The following A2M variants were observed in gnomAD, a reference collection of about 807,000 sequenced individuals.
A2M encodes alpha-2-macroglobulin.
A2M carries 128 observed loss-of-function variants against 183.9 expected under a neutral mutation model. The ratio of observed to expected loss-of-function variants is 0.70; its 90% confidence interval spans 0.60 to 0.81. The LOEUF (loss-of-function observed/expected upper bound fraction) is 0.81, where lower values mean the gene tolerates loss of function less well. Ranked by LOEUF, A2M falls within the 30% of genes least tolerant of loss-of-function variation. The pLI, the probability that A2M is intolerant of heterozygous loss-of-function variation, is 0.00. For missense variants in A2M, 1,495 were observed against 1,787.6 expected, an observed-to-expected ratio of 0.84 and a Z score of 2.95; for synonymous variants, 592 against 670.8, an observed-to-expected ratio of 0.88 and a Z score of 1.81.
In A2M at chr12:9,095,664, AGCCAGT is replaced by A. The variant is rs1391673728; in HGVS notation, c.1882_1887del (p.Thr628_Gly629del). The A allele has an allele frequency of 6.2e-7, 1 of 1,612,078 alleles. No individual in the cohort carries two copies. The highest frequency in any genetic ancestry group is 2.2e-5 in the East Asian group (1 of 44,820). On this transcript the variant is annotated inframe_deletion, in exon 16 of 36. Transcript: ENST00000318602. Reference sequence around the variant, plus strand: ...TCCTGGTCATTCAAAGGCCCAGGGAAGCCAGTGAGGTCCTTTTCTGGTAGCAGGTTG... The same window carrying A: ...TCCTGGTCATTCAAAGGCCCAGGGAAGAGGTCCTTTTCTGGTAGCAGGTTG...
rs150034531 is a variant in A2M, at chr12:9,111,201, T to C, written c.484-867A>G. Among the ~76,000 whole-genome samples the C allele has an allele frequency of 1.0e-3, 157 of 152,346 alleles. 1 individual carries two copies. The highest frequency in any genetic ancestry group is 3.7e-3 in the African/African-American group (152 of 41,592). ...CTAATCTTTATTAAGTACCTTCTCA[T>C]GCGCTGTGTATCATTCTAGGTATTG... On this transcript the variant is annotated intron_variant, in intron 4 of 35. Coordinates refer to ENST00000318602, the MANE Select transcript of A2M (RefSeq NM_000014.6).
At chr12:9,113,022 C>T in intron 2 of A2M, among the ~76,000 whole-genome samples, 1 of 151,900 alleles carries the variant, frequency 6.6e-6, no homozygotes, top group East Asian at 1.9e-4. Context: ...CCTGTCAGTC[C>T]ACCACGGGTG....
intron 22 of A2M, among the ~76,000 whole-genome samples, chr12:9,087,753 ATACAATTATAAATGGTCAGTT>A (rs1949090910): frequency 6.6e-6 from 1 of 152,150 alleles, no homozygotes; most frequent in Admixed American, 6.5e-5. Flanking sequence ...CTGTATATAT[ATACAATTATAAATGGTCAGTT>A]TACAATGTAA....
intron 1 of A2M, 110 bp downstream of exon 1, chr12:9,115,654 G>T: frequency 1.3e-6 from 1 of 788,310 alleles, no homozygotes. Flanking sequence ...GAATCTTAGA[G>T]ATAAGAAGAT....
intron 31 of A2M, 140 bp from the exon 32 acceptor site, chr12:9,070,718 AG>A: frequency 1.6e-6 from 1 of 621,716 alleles, no homozygotes; most frequent in Non-Finnish European, 2.8e-6. Flanking sequence ...GGTTTGTAAA[AG>A]TGGTGTGCGT....
intron 22 of A2M, among the ~76,000 whole-genome samples, chr12:9,086,904 A>C (rs1949067713): frequency 6.6e-6 from 1 of 152,228 alleles, no homozygotes. Context: ...ACTTCACCAA[A>C]GGGCTGCAAG....
intron 11 of A2M, 104 bp downstream of exon 11, chr12:9,104,135 T>A (rs1484700227): frequency 7.7e-6 from 9 of 1,167,486 alleles, no homozygotes; most frequent in Non-Finnish European, 9.5e-6. Context: ...CTAGTTTTTT[T>A]CTCTCCATAG....
In A2M at chr12:9,106,353, AAG is replaced by A. The variant is rs1488304710; in HGVS notation, c.995-10_995-9del. ...TTCCAGTCAATTCCACCACTGAAAA[AAG>A]AGAAAAAAATCTGTTATTTTTGGGA... On this transcript the variant is annotated splice_polypyrimidine_tract_variant and intron_variant, in intron 9 of 35. Transcript: ENST00000318602. 1 of 1,581,922 alleles carries A rather than the reference AAG, an allele frequency of 6.3e-7. No individual in the cohort carries two copies. The highest frequency in any genetic ancestry group is 8.6e-7 in the Non-Finnish European group (1 of 1,156,134).
At position 9,068,870 on chromosome 12, in the gene A2M, C is replaced by T. The variant is rs1033092619; in HGVS notation, c.4264-28G>A. 3.3e-6 allele frequency: 5 copies of T among 1,503,226 alleles called. No individual in the cohort carries two copies. In the African/African-American group the frequency reaches 5.5e-5, roughly 17 times the overall value. The allele number at this position is 1,503,226 out of a possible 1,614,324, so 93.1% of individuals were successfully genotyped here. On this transcript the variant is annotated intron_variant, in intron 33 of 35. Transcript: ENST00000318602. ...GGAAAGCAAAAGTCAATTAAATGAC[C>T]TTTCAGGAAGCTTTCTTCTCTCTTT...
At position 9,112,624 on chromosome 12, in the gene A2M, G is replaced by A; in HGVS notation, c.271-88C>T. 2.1e-6 allele frequency: 3 copies of A among 1,455,154 alleles called. No homozygotes were observed. In the African/African-American group the frequency reaches 4.2e-5, roughly 20 times the overall value. The allele number at this position is 1,455,154 out of a possible 1,614,324, so 90.1% of individuals were successfully genotyped here. A position where few individuals can be genotyped will look rare whatever the true frequency, so the allele number is the denominator to read the frequency against. On this transcript the variant is annotated intron_variant, in intron 2 of 35. Transcript: ENST00000318602. The stretch of plus-strand genomic sequence containing the variant: ...TGTTGCACTCTTCCCTGGAGATCTT[G>A]CCCTTCTTACTTAACTTCACTCCCT...
chr12:9,079,566 A>G, intron 24 of A2M, 73 bp downstream of exon 24: 1 of 1,400,438 alleles, frequency 7.1e-7, no homozygotes, highest in South Asian at 1.3e-5. Flanking sequence ...TAATATTCAT[A>G]AGTAACTGAA....
At chr12:9,068,017 C>A in intron 35 of A2M, 166 bp downstream of exon 35, 1 of 984,648 alleles carries the variant, frequency 1.0e-6, no homozygotes, top group Non-Finnish European at 1.5e-6. Context: ...TGAGGTTTGA[C>A]AGAGTCAGCG....
intron 11 of A2M, among the ~76,000 whole-genome samples, chr12:9,102,896 ATTAT>A (rs1400818715): frequency 6.6e-6 from 1 of 152,144 alleles, no homozygotes; most frequent in African/African-American, 2.4e-5. Context: ...AATAAAATGT[ATTAT>A]TTATTTCTCT....
At chr12:9,079,535 G>A in intron 24 of A2M, 104 bp downstream of exon 24, 4 of 1,165,042 alleles carry the variant, frequency 3.4e-6, no homozygotes, top group Middle Eastern at 2.2e-4. Context: ...AGCTATCATA[G>A]TGAGCTAAGC....
In A2M at chr12:9,070,933, G is replaced by T. The variant is rs150351546; in HGVS notation, c.4104-355C>A. Among the ~76,000 whole-genome samples the T allele has an allele frequency of 1.4e-3, 209 of 152,024 alleles. 2 individuals carry two copies. In the East Asian group the frequency reaches 0.032, roughly 23 times the overall value. On this transcript the variant is annotated intron_variant, in intron 31 of 35. Transcript: ENST00000318602. Reference sequence around the variant, plus strand: ...CCTCCTGGGTTCAAGTGATTCTCCTGCCTCAGCCTCCCGAGTAGCTGGGAT... The same window carrying T: ...CCTCCTGGGTTCAAGTGATTCTCCTTCCTCAGCCTCCCGAGTAGCTGGGAT...
chr12:9,099,976 T>C (rs891568967), intron 13 of A2M, among the ~76,000 whole-genome samples: 3 of 152,234 alleles, frequency 2.0e-5, no homozygotes, highest in African/African-American at 7.2e-5. Flanking sequence ...TGTAGATTCT[T>C]TAGAGGTTGC....
At chr12:9,080,011 AT>A in intron 23 of A2M, 82 bp downstream of exon 23, 1 of 1,014,680 alleles carries the variant, frequency 9.9e-7, no homozygotes, top group South Asian at 2.2e-5. Flanking sequence ...TTATAGTATT[AT>A]TTTTAGTAAA....
chr12:9,081,178 T>A (rs1410629821), intron 22 of A2M, among the ~76,000 whole-genome samples: 1 of 151,942 alleles, frequency 6.6e-6, no homozygotes, highest in East Asian at 1.9e-4. Flanking sequence ...AAAAAACTAC[T>A]CAAAAGACAA....
At chr12:9,096,949 A>T (rs371743834) in intron 15 of A2M, among the ~76,000 whole-genome samples, 11 of 152,210 alleles carry the variant, frequency 7.2e-5, no homozygotes, top group African/African-American at 2.7e-4. Flanking sequence ...AATGACCTAC[A>T]CTAGTAGCAG....
Sources: allele counts gnomAD v4.1 joint callset (sites outside exome capture counted in the v4.1 genomes callset), GRCh38; gene constraint gnomAD v4.1.1; transcripts MANE v1.5; gene names NCBI Gene and HGNC (gene_info 2026-07-23, HGNC 2026-07-21).